KLHDC1: variants seen among roughly 807,000 people sequenced by gnomAD.
KLHDC1 encodes kelch domain-containing protein 1.
In KLHDC1, 53 loss-of-function variants were observed where a neutral mutation model predicts 68.3. That is an observed-to-expected ratio of 0.78 (90% CI 0.62 to 0.98). KLHDC1 has a LOEUF of 0.98. KLHDC1 is among the 50% of genes least tolerant of loss of function. The probability of loss-of-function intolerance (pLI) is 0.00; values close to 1 mark genes in which losing one functional copy is unlikely to be tolerated. For missense variants in KLHDC1, 470 were observed against 492.3 expected (o/e 0.95, Z 0.43); for synonymous variants, 148 against 159.0 (o/e 0.93, Z 0.52).
In KLHDC1 at chr14:49,753,047, A is replaced by T. The variant is rs2139775289; in HGVS notation, c.*1275A>T. The T allele has an allele frequency of 6.6e-6, 1 of 152,236 alleles. No individual in the cohort carries two copies. Among genetic ancestry groups the T allele is most frequent in the Non-Finnish European group, 1.5e-5 (1 of 67,988 alleles). 9.4% of individuals were successfully genotyped at this position (152,236 alleles called of 1,614,324 possible). On this transcript the variant is annotated 3_prime_UTR_variant, in exon 13 of 13. Coordinates refer to ENST00000359332, the MANE Select transcript of KLHDC1 (RefSeq NM_172193.3). Reference sequence around the variant, plus strand: ...TTTTGGATGTGTAAAGCTTCTATGTATTGAAATATTTTTTTACGTTTTATT... The same window carrying T: ...TTTTGGATGTGTAAAGCTTCTATGTTTTGAAATATTTTTTTACGTTTTATT...
rs775835797 is a variant in KLHDC1, at chr14:49,709,750, C to T, written c.209C>T (p.Ser70Leu). ...GAAGGAGAACTCCCAGCCTCCATGT[C>T]AGGAAGCTGTGGTGCTTGCATTAAT... Reference protein sequence around the residue: ...LMEGELPASMSGSCGACINGK... With the variant: ...LMEGELPASMLGSCGACINGK... The change falls in exon 3 of 13, where the codon TCA becomes TTA. Residue 70 changes from serine (S) to leucine (L), a missense_variant. By Grantham distance (145) the Ser-to-Leu change is moderately radical. Coordinates refer to ENST00000359332, the MANE Select transcript of KLHDC1 (RefSeq NM_172193.3). 4 of 1,603,210 alleles carry T rather than the reference C, an allele frequency of 2.5e-6. No homozygotes were observed. The East Asian group carries it at 9.1e-5, about 37-fold the overall frequency.
At chr14:49,698,192 T>A (rs1020312803) in intron 1 of KLHDC1, among the ~76,000 whole-genome samples, 2 of 152,234 alleles carry the variant, frequency 1.3e-5, no homozygotes, top group Non-Finnish European at 2.9e-5. Flanking sequence ...AGATTTCTTT[T>A]GAGCCCATAA....
At chr14:49,719,868 A>C (rs185212900) in intron 4 of KLHDC1, among the ~76,000 whole-genome samples, 70 of 152,064 alleles carry the variant, frequency 4.6e-4, no homozygotes, top group African/African-American at 1.7e-3. Context: ...TCACCCACCC[A>C]GGCTGAAGTG....
At chr14:49,715,115 A>G (rs1471322852) in intron 4 of KLHDC1, among the ~76,000 whole-genome samples, 1 of 147,380 alleles carries the variant, frequency 6.8e-6, no homozygotes. Context: ...ATTCATATAT[A>G]TTTTACTTTA....
In KLHDC1 at chr14:49,722,263, G is replaced by C. The variant is rs146343618; in HGVS notation, c.405-1611G>C. Among the ~76,000 whole-genome samples, 532 of 152,234 alleles carry C rather than the reference G, an allele frequency of 3.5e-3. 5 individuals carry two copies. The highest frequency in any genetic ancestry group is 0.012 in the African/African-American group (479 of 41,532). On this transcript the variant is annotated intron_variant, in intron 4 of 12. Transcript: ENST00000359332. ...ATTTACATTAGGTATATCTCCTAAG[G>C]CTATCCCCGACCCCATGACAGGCCC...
chr14:49,722,242 A>C (rs1888546235), intron 4 of KLHDC1, among the ~76,000 whole-genome samples: 1 of 152,162 alleles, frequency 6.6e-6, no homozygotes, highest in African/African-American at 2.4e-5. Flanking sequence ...CACATCATTT[A>C]CATTAGGTAT....
chr14:49,705,365 C>CTT lies in KLHDC1; in HGVS notation c.97-3774_97-3773dup, dbSNP rs59444333. ...TCACTTTCATAATATTTCTTTCTTT[C>CTT]TTTTTTTTTTTTTTTTTTTTTGAGA... On this transcript the variant is annotated intron_variant, in intron 1 of 12. Coordinates refer to ENST00000359332, the MANE Select transcript of KLHDC1 (RefSeq NM_172193.3). Among the ~76,000 whole-genome samples the CTT allele has an allele frequency of 2.0e-4, 14 of 71,672 alleles. 1 individual carries two copies. Among genetic ancestry groups the CTT allele is most frequent in the African/African-American group, 3.3e-4 (6 of 18,332 alleles). 47.0% of individuals were successfully genotyped at this position (71,672 alleles called of 152,430 possible).
intron 4 of KLHDC1, among the ~76,000 whole-genome samples, chr14:49,719,216 G>A (rs889319627): frequency 1.3e-5 from 2 of 151,888 alleles, no homozygotes; most frequent in African/African-American, 4.8e-5. Flanking sequence ...TTATGGATTT[G>A]AGATTTTATT....
chr14:49,750,010 A>C (rs895517403), intron 12 of KLHDC1, among the ~76,000 whole-genome samples: 1 of 152,170 alleles, frequency 6.6e-6, no homozygotes. Flanking sequence ...CAGTAAGCTG[A>C]GATCAGGCCA....
chr14:49,742,895 G>A (rs540994299), intron 11 of KLHDC1, among the ~76,000 whole-genome samples: 1 of 151,818 alleles, frequency 6.6e-6, no homozygotes, highest in East Asian at 2.0e-4. Context: ...GACCAGCCAG[G>A]GCAACATGGT....
intron 12 of KLHDC1, among the ~76,000 whole-genome samples, chr14:49,746,413 G>A (rs1417603148): frequency 2.0e-5 from 3 of 152,052 alleles, no homozygotes; most frequent in Non-Finnish European, 4.4e-5. Context: ...GAGGGGGAGG[G>A]AGAAGAAAAG....
intron 1 of KLHDC1, among the ~76,000 whole-genome samples, chr14:49,706,593 C>T (rs1284935462): frequency 1.3e-5 from 2 of 152,182 alleles, no homozygotes; most frequent in Non-Finnish European, 2.9e-5. Flanking sequence ...TTTACATTCC[C>T]ACCAACAGTG....
intron 4 of KLHDC1, among the ~76,000 whole-genome samples, chr14:49,714,994 A>G (rs1412886333): frequency 6.8e-6 from 1 of 147,302 alleles, no homozygotes; most frequent in Non-Finnish European, 1.5e-5. Flanking sequence ...ATTTCCATAT[A>G]TATAGAAACT....
At position 49,740,131 on chromosome 14, in the gene KLHDC1, T is replaced by C; in HGVS notation, c.930T>C (p.Asn310=). The change falls in exon 11 of 13, where the codon AAT becomes AAC. Residue 310 remains asparagine, a synonymous_variant. Coordinates refer to ENST00000359332, the MANE Select transcript of KLHDC1 (RefSeq NM_172193.3). ...LWHTACLGKE[N]EIMVFGGSKD... ...ACACAGCCTGTTTGGGAAAAGAAAATGAAATAATGGTATTTGGTGGGAGCA... is the reference window on the plus strand; with the variant it reads ...ACACAGCCTGTTTGGGAAAAGAAAACGAAATAATGGTATTTGGTGGGAGCA... The C allele has an allele frequency of 6.2e-7, 1 of 1,612,068 alleles. No homozygotes were observed. Among genetic ancestry groups the C allele is most frequent in the Non-Finnish European group, 8.5e-7 (1 of 1,178,540 alleles).
intron 1 of KLHDC1, among the ~76,000 whole-genome samples, chr14:49,696,572 T>G (rs1448530703): frequency 6.6e-6 from 1 of 152,162 alleles, no homozygotes; most frequent in Non-Finnish European, 1.5e-5. Flanking sequence ...TCTCTCAGCC[T>G]TCATAGAATT....
At chr14:49,713,844 A>ATTTTTTTTTT (rs1888293520) in intron 4 of KLHDC1, among the ~76,000 whole-genome samples, 1 of 35,600 alleles carries the variant, frequency 2.8e-5, no homozygotes, top group African/African-American at 1.1e-4. Flanking sequence ...ATATATATAT[A>ATTTTTTTTTT]TATATATTTT....
rs1888161294 is a variant in KLHDC1 at position 49,710,173 on chromosome 14, T to C, written c.286-90T>C. ...ACAAGCTTACCTATTAAAAAGAAAA[T>C]AATAGTATTAATTCTTGGATCACAT... is the stretch of plus-strand genomic sequence containing the variant. On this transcript the variant is annotated intron_variant, in intron 3 of 12. Transcript: ENST00000359332. 4.3e-6 allele frequency: 3 copies of C among 702,252 alleles called. No homozygotes were observed. The Admixed American group carries it at 7.3e-5, about 17-fold the overall frequency. The allele number at this position is 702,252 out of a possible 1,614,324, so 43.5% of individuals were successfully genotyped here. A position where few individuals can be genotyped will look rare whatever the true frequency, so the allele number is the denominator to read the frequency against.
chr14:49,714,989 CAT>C (rs1007698711), intron 4 of KLHDC1, among the ~76,000 whole-genome samples: 46 of 144,666 alleles, frequency 3.2e-4, no homozygotes, highest in African/African-American at 9.1e-4. Flanking sequence ...ACTTTATTTC[CAT>C]ATATATAGAA....
chr14:49,713,695 G>A (rs1888268479), intron 4 of KLHDC1, among the ~76,000 whole-genome samples: 1 of 150,140 alleles, frequency 6.7e-6, no homozygotes, highest in Admixed American at 6.7e-5. Flanking sequence ...AGACCAGCCT[G>A]GCCAACATGA....
Sources: allele counts gnomAD v4.1 joint callset (sites outside exome capture counted in the v4.1 genomes callset), GRCh38; gene constraint gnomAD v4.1.1; transcripts MANE v1.5; gene names NCBI Gene and HGNC (gene_info 2026-07-23, HGNC 2026-07-21).